The following ATP10D variants were observed in gnomAD, a reference collection of about 807,000 sequenced individuals.
ATP10D encodes the protein ATPase phospholipid transporting 10D (putative), also known as phospholipid-transporting ATPase VD.
ATP10D carries 89 observed loss-of-function variants against 144.8 expected under a neutral mutation model. That is an observed-to-expected ratio of 0.61 (90% confidence interval 0.52 to 0.73). The LOEUF (loss-of-function observed/expected upper bound fraction) is 0.73, where lower values mean the gene tolerates loss of function less well. ATP10D is among the 30% of genes least tolerant of loss of function. The pLI, the probability that ATP10D is intolerant of heterozygous loss-of-function variation, is 0.00. For missense variants in ATP10D, 1,603 were observed against 1,714.8 expected (o/e 0.93, Z 1.15); for synonymous variants, 571 against 615.1 (o/e 0.93, Z 1.06).
intron 3 of ATP10D, among the ~76,000 whole-genome samples, chr4:47,521,757 C>T (rs1378495466): frequency 2.0e-5 from 3 of 152,260 alleles, no homozygotes; most frequent in African/African-American, 4.8e-5. Context: ...GAAGAATGAA[C>T]TGATATGCAC....
chr4:47,520,720 C>G (rs1310844462), intron 3 of ATP10D, among the ~76,000 whole-genome samples: 1 of 152,000 alleles, frequency 6.6e-6, no homozygotes, highest in Non-Finnish European at 1.5e-5. Flanking sequence ...AGGCATGCAC[C>G]ATCATACCCG....
intron 1 of ATP10D, among the ~76,000 whole-genome samples, chr4:47,505,800 A>T (rs772139294): frequency 4.6e-5 from 7 of 152,090 alleles, no homozygotes; most frequent in Non-Finnish European, 8.8e-5. Flanking sequence ...GATTCAGGAG[A>T]TTCTGATGCA....
At chr4:47,540,621 C>T (rs1718088208) in intron 9 of ATP10D, among the ~76,000 whole-genome samples, 1 of 152,146 alleles carries the variant, frequency 6.6e-6, no homozygotes, top group Admixed American at 6.5e-5. Flanking sequence ...CCAGCATGCC[C>T]TCATGCCGTT....
chr4:47,496,453 G>A lies in ATP10D; in HGVS notation c.-38+10934G>A, dbSNP rs922874466. Reference sequence around the variant, plus strand: ...ATTACAGGCGTGAGCCACCGCGCCCGGCTGTGTAGTGACTTTCTAAGGCTG... The same window carrying A: ...ATTACAGGCGTGAGCCACCGCGCCCAGCTGTGTAGTGACTTTCTAAGGCTG... On this transcript the variant is annotated intron_variant, in intron 1 of 22. Coordinates refer to ENST00000273859, the MANE Select transcript of ATP10D (RefSeq NM_020453.4). 3.3e-5 allele frequency among the ~76,000 whole-genome samples: 5 copies of A among 152,106 alleles called. No homozygotes were observed. The South Asian group carries it at 8.3e-4, about 25-fold the overall frequency.
Position 47,592,481 on chromosome 4 carries a change from G to A in ATP10D, c.*1100G>A, listed in dbSNP as rs933791786. 2 of 152,552 alleles carry A rather than the reference G, an allele frequency of 1.3e-5. No individual in the cohort carries two copies. The highest frequency in any genetic ancestry group is 4.8e-5 in the African/African-American group (2 of 41,438). 9.4% of individuals were successfully genotyped at this position (152,552 alleles called of 1,614,324 possible). On this transcript the variant is annotated 3_prime_UTR_variant, in exon 23 of 23. Transcript: ENST00000273859. Reference sequence around the variant, plus strand: ...CAAGTTTACTCCTATTGCGAATCATGTATGCTGGCTTTAGTTGTAACAAAC... The same window carrying A: ...CAAGTTTACTCCTATTGCGAATCATATATGCTGGCTTTAGTTGTAACAAAC...
chr4:47,568,944 C>G lies in ATP10D; in HGVS notation c.2961C>G (p.Val987=). 2 of 1,614,046 alleles carry G rather than the reference C, an allele frequency of 1.2e-6. No individual in the cohort carries two copies. The highest frequency in any genetic ancestry group is 2.2e-5 in the East Asian group (1 of 44,866). ...GTGAAGATTTACTTCAGCCTCCTGT[C>G]CCCCGGGACTCAGGGTTACGAGCTG... ...SLSEDLLQPP[V]PRDSGLRAGL... is the part of the protein sequence containing the mutation. Residue 987 remains valine (V), a synonymous_variant, in exon 16 of 23, where the codon GTC becomes GTG. Transcript: ENST00000273859.
At chr4:47,527,718 A>G (rs980793012) in intron 5 of ATP10D, among the ~76,000 whole-genome samples, 1 of 152,168 alleles carries the variant, frequency 6.6e-6, no homozygotes, top group Non-Finnish European at 1.5e-5. Context: ...ACCTGCTACA[A>G]TTAAAAAGAT....
chr4:47,497,649 T>C (rs1715458332), intron 1 of ATP10D, among the ~76,000 whole-genome samples: 1 of 152,196 alleles, frequency 6.6e-6, no homozygotes, highest in South Asian at 2.1e-4. Context: ...AATAATATTG[T>C]ATTCAAATTG....
intron 15 of ATP10D, among the ~76,000 whole-genome samples, chr4:47,564,583 TAA>T (rs1211714260): frequency 6.6e-6 from 1 of 152,144 alleles, no homozygotes; most frequent in East Asian, 1.9e-4. Context: ...GAGAATATCA[TAA>T]GTTTGAAGAA....
chr4:47,500,048 T>A (rs1715603134), intron 1 of ATP10D, among the ~76,000 whole-genome samples: 1 of 152,218 alleles, frequency 6.6e-6, no homozygotes. Flanking sequence ...ATAAGATTGT[T>A]AAAGATATTC....
chr4:47,520,855 C>T (rs1716911363), intron 3 of ATP10D, among the ~76,000 whole-genome samples: 1 of 152,182 alleles, frequency 6.6e-6, no homozygotes, highest in East Asian at 1.9e-4. Flanking sequence ...GCATGAGCCA[C>T]CGTGCCCGGC....
intron 18 of ATP10D, among the ~76,000 whole-genome samples, chr4:47,573,665 C>T (rs185292874): frequency 9.2e-5 from 14 of 152,224 alleles, no homozygotes; most frequent in South Asian, 6.2e-4. Context: ...CGTAATCAGA[C>T]GTAAGTATCT....
At chr4:47,512,870 C>A in intron 2 of ATP10D, 40 bp downstream of exon 2, 1 of 1,524,212 alleles carries the variant, frequency 6.6e-7, no homozygotes, top group Non-Finnish European at 8.9e-7. Flanking sequence ...GAATATCATT[C>A]TAGTTGATAT....
intron 21 of ATP10D, among the ~76,000 whole-genome samples, chr4:47,586,803 G>A (rs564691001): frequency 1.3e-5 from 2 of 152,258 alleles, no homozygotes; most frequent in South Asian, 2.1e-4. Flanking sequence ...TTTGACATTT[G>A]ATTTAATTTA....
intron 13 of ATP10D, among the ~76,000 whole-genome samples, chr4:47,559,608 C>A (rs896944355): frequency 6.6e-6 from 1 of 152,228 alleles, no homozygotes; most frequent in South Asian, 2.1e-4. Flanking sequence ...ATGTTCTCAC[C>A]GGAACTTTTC....
chr4:47,499,293 G>C (rs947107448), intron 1 of ATP10D, among the ~76,000 whole-genome samples: 1 of 152,088 alleles, frequency 6.6e-6, no homozygotes, highest in Non-Finnish European at 1.5e-5. Context: ...AAAGTACCTG[G>C]TTGGCAATGG....
chr4:47,560,992 T>G lies in ATP10D; in HGVS notation c.2585T>G (p.Phe862Cys), dbSNP rs1420746815. 4 of 1,614,048 alleles carry G rather than the reference T, an allele frequency of 2.5e-6. No individual in the cohort carries two copies. Among genetic ancestry groups the G allele is most frequent in the African/African-American group, 2.7e-5 (2 of 74,938 alleles). The change falls in exon 14 of 23, where the codon TTT becomes TGT. Residue 862 changes from phenylalanine to cysteine, a missense_variant. Phe to Cys is a radical substitution (Grantham distance 205, BLOSUM62 -2). Coordinates refer to ENST00000273859, the MANE Select transcript of ATP10D (RefSeq NM_020453.4). ...TEYAEWLRNH[F>C]LAETSIDNRE... The stretch of plus-strand genomic sequence containing the variant: ...TATGCAGAGTGGCTGAGGAATCATT[T>G]TTTAGCTGAAACCAGCATTGACAAC...
At chr4:47,547,169 T>A (rs1225792877) in intron 10 of ATP10D, 2 of 367,900 alleles carry the variant, frequency 5.4e-6, no homozygotes, top group Middle Eastern at 8.4e-4. Context: ...TTAAGAATCA[T>A]GGCTCACTCT....
At chr4:47,587,280 T>C (rs1720836708) in intron 22 of ATP10D, 74 bp downstream of exon 22, 2 of 1,370,972 alleles carry the variant, frequency 1.5e-6, no homozygotes, top group African/African-American at 2.9e-5. Flanking sequence ...ACTACACTAC[T>C]ACGAATGGTT....
Sources: allele counts gnomAD v4.1 joint callset (sites outside exome capture counted in the v4.1 genomes callset), GRCh38; gene constraint gnomAD v4.1.1; transcripts MANE v1.5; gene names NCBI Gene and HGNC (gene_info 2026-07-23, HGNC 2026-07-21).